The following BABAM2 variants were observed in gnomAD, a reference collection of about 807,000 sequenced individuals.
BABAM2 encodes the protein BRISC and BRCA1 A complex member 2, also known as BRISC and BRCA1-A complex member 2.
Under a neutral mutation model 54.7 loss-of-function variants are expected in BABAM2, and 31 were observed. The observed-to-expected ratio is 0.57, with a 90% CI of 0.43 to 0.77. BABAM2 has a LOEUF of 0.77. Ranked by LOEUF, BABAM2 falls within the 30% of genes least tolerant of loss-of-function variation. The probability of loss-of-function intolerance (pLI) is 0.00; values close to 1 mark genes in which losing one functional copy is unlikely to be tolerated. For missense variants in BABAM2, 364 were observed against 455.8 expected, an observed-to-expected ratio of 0.80 and a Z score of 1.83; for synonymous variants, 167 against 162.9, an observed-to-expected ratio of 1.03 and a Z score of -0.19.
intron 4 of BABAM2, among the ~76,000 whole-genome samples, chr2:28,004,677 T>C (rs754049974): frequency 3.3e-5 from 5 of 151,344 alleles, no homozygotes; most frequent in Admixed American, 6.6e-5. Context: ...ATAATTTGTG[T>C]GTTTAAAGAT....
At chr2:28,198,886 G>A (rs1206534305) in intron 7 of BABAM2, among the ~76,000 whole-genome samples, 1 of 152,086 alleles carries the variant, frequency 6.6e-6, no homozygotes, top group Non-Finnish European at 1.5e-5. Flanking sequence ...CTGTTCTAGT[G>A]ACAACACCTC....
chr2:28,031,913 TA>T (rs1171870294), intron 5 of BABAM2, among the ~76,000 whole-genome samples: 2 of 152,226 alleles, frequency 1.3e-5, no homozygotes, highest in African/African-American at 4.8e-5. Context: ...TACTGATCAG[TA>T]AAACACATCT....
intron 8 of BABAM2, among the ~76,000 whole-genome samples, chr2:28,241,053 T>G (rs1682379165): frequency 6.6e-6 from 1 of 152,108 alleles, no homozygotes; most frequent in Admixed American, 6.5e-5. Context: ...GAAGAAAGTT[T>G]TATTTTTTAG....
chr2:28,029,825 G>T (rs146052984), intron 5 of BABAM2, among the ~76,000 whole-genome samples: 1 of 152,108 alleles, frequency 6.6e-6, no homozygotes, highest in Non-Finnish European at 1.5e-5. Context: ...AACAGTGCAT[G>T]GTTCAGACTT....
intron 6 of BABAM2, among the ~76,000 whole-genome samples, chr2:28,074,939 C>T (rs542930637): frequency 1.3e-5 from 2 of 152,256 alleles, no homozygotes; most frequent in Admixed American, 6.5e-5. Context: ...GTTCATTCTT[C>T]TTCCAAGATT....
At chr2:28,085,543 A>G (rs1034080881) in intron 6 of BABAM2, among the ~76,000 whole-genome samples, 1 of 152,214 alleles carries the variant, frequency 6.6e-6, no homozygotes, top group Non-Finnish European at 1.5e-5. Flanking sequence ...AAATATTTGA[A>G]TACTTATATA....
chr2:28,199,456 A>G (rs1202227555), intron 7 of BABAM2, among the ~76,000 whole-genome samples: 2 of 152,228 alleles, frequency 1.3e-5, no homozygotes, highest in African/African-American at 2.4e-5. Context: ...GACTTTGTTC[A>G]TTCTTATCCA....
At chr2:28,193,444 G>C (rs181021427) in intron 7 of BABAM2, among the ~76,000 whole-genome samples, 1 of 152,080 alleles carries the variant, frequency 6.6e-6, no homozygotes, top group East Asian at 1.9e-4. Context: ...ACCTCGGCAA[G>C]TCATGTGTCA....
intron 7 of BABAM2, among the ~76,000 whole-genome samples, chr2:28,196,836 CTTTTTTTTTTTTT>C (rs759950166): frequency 2.5e-5 from 1 of 40,248 alleles, no homozygotes; most frequent in Non-Finnish European, 4.3e-5. Flanking sequence ...GAGACCCTGT[CTTTTTTTTTTTTT>C]TTTTTTTTTT....
chr2:28,094,238 A>G (rs780939752), intron 6 of BABAM2, among the ~76,000 whole-genome samples: 7 of 152,164 alleles, frequency 4.6e-5, no homozygotes, highest in Non-Finnish European at 8.8e-5. Flanking sequence ...AATGAGGATG[A>G]TTTATGGTCA....
intron 3 of BABAM2, among the ~76,000 whole-genome samples, chr2:27,964,199 G>T (rs1488815985): frequency 6.6e-6 from 1 of 152,118 alleles, no homozygotes; most frequent in Non-Finnish European, 1.5e-5. Flanking sequence ...TCATGTACCT[G>T]CTTTCCCTTC....
At chr2:28,092,562 G>T (rs1666240181) in intron 6 of BABAM2, among the ~76,000 whole-genome samples, 1 of 152,142 alleles carries the variant, frequency 6.6e-6, no homozygotes, top group Non-Finnish European at 1.5e-5. Context: ...TGCTGAGAGA[G>T]ATTATAGAAG....
chr2:27,961,522 G>GTTCA (rs1670467994), intron 3 of BABAM2, among the ~76,000 whole-genome samples: 1 of 152,104 alleles, frequency 6.6e-6, no homozygotes, highest in Non-Finnish European at 1.5e-5. Context: ...AAGCTATGAT[G>GTTCA]TTCAGTAGGT....
chr2:28,165,900 T>C (rs1023039739), intron 7 of BABAM2, among the ~76,000 whole-genome samples: 1 of 152,198 alleles, frequency 6.6e-6, no homozygotes, highest in Non-Finnish European at 1.5e-5. Flanking sequence ...AAAATTCATA[T>C]GTTGAAGCCT....
chr2:28,311,926 C>T (rs897660545), intron 11 of BABAM2, among the ~76,000 whole-genome samples: 26 of 152,308 alleles, frequency 1.7e-4, no homozygotes, highest in Admixed American at 2.0e-4. Context: ...AACGTGCACA[C>T]ATATGCCCTG....
chr2:28,101,196 A>C (rs961075844), intron 6 of BABAM2, among the ~76,000 whole-genome samples: 3 of 152,174 alleles, frequency 2.0e-5, no homozygotes, highest in Non-Finnish European at 2.9e-5. Flanking sequence ...TAAGCGATGA[A>C]GCTATGATTC....
intron 3 of BABAM2, among the ~76,000 whole-genome samples, chr2:27,979,363 T>C (rs1671841187): frequency 1.3e-5 from 2 of 151,822 alleles, no homozygotes; most frequent in Non-Finnish European, 1.5e-5. Context: ...AGATTCACTC[T>C]TGATGGGCAT....
Position 27,958,479 on chromosome 2 carries a change from A to G in BABAM2, c.205+28571A>G, listed in dbSNP as rs1358357124. Among the ~76,000 whole-genome samples the G allele has an allele frequency of 2.0e-5, 3 of 149,416 alleles. No individual in the cohort carries two copies. In the East Asian group the frequency reaches 5.8e-4, roughly 29 times the overall value. On this transcript the variant is annotated intron_variant, in intron 3 of 11. Transcript: ENST00000379624. ...CTTTATATATTTTATATATATACAT[A>G]TAAATGTTTATAAATGTATATATAT...
At chr2:27,962,021 T>G (rs1320315149) in intron 3 of BABAM2, among the ~76,000 whole-genome samples, 2 of 152,138 alleles carry the variant, frequency 1.3e-5, no homozygotes, top group African/African-American at 4.8e-5. Context: ...TGTGCTACCA[T>G]GCCTGGCCCC....
Sources: gnomAD v4.1 joint callset for allele counts (sites outside exome capture counted in the v4.1 genomes callset) on GRCh38, gnomAD v4.1.1 for gene constraint, MANE v1.5 for transcripts, NCBI Gene and HGNC (gene_info 2026-07-23, HGNC 2026-07-21) for gene names.